CCDC171: variants seen among roughly 807,000 people sequenced by gnomAD.
CCDC171 encodes the protein coiled-coil domain-containing protein 171.
A neutral mutation model predicts 168.2 loss-of-function variants in CCDC171; 177 were observed. The observed-to-expected ratio is 1.05, with a 90% CI of 0.93 to 1.19. CCDC171 has a LOEUF of 1.19. Ranked by LOEUF, CCDC171 falls within the 50% of genes most tolerant of loss-of-function variation. The pLI is 0.00. For synonymous variants in CCDC171, 687 were observed against 540.8 expected (o/e 1.27, Z -3.75); for missense variants, 1,991 against 1,539.0 (o/e 1.29, Z -4.91).
Position 15,557,644 on chromosome 9 carries a change from C to T in CCDC171, c.-112+4342C>T, listed in dbSNP as rs1264610845. Among the ~76,000 whole-genome samples the T allele has an allele frequency of 2.0e-5, 3 of 152,224 alleles. No homozygotes were observed. In the South Asian group the frequency reaches 6.2e-4, roughly 32 times the overall value. ...AGCTTAAGGAGATTTTGTGCTGAGA[C>T]GATGGGGTTTTCTAAATATACAATC... On this transcript the variant is annotated intron_variant, in intron 1 of 25. Coordinates refer to ENST00000380701, the MANE Select transcript of CCDC171 (RefSeq NM_173550.4).
At chr9:15,580,756 AG>A (rs1463582406) in intron 4 of CCDC171, among the ~76,000 whole-genome samples, 2 of 152,334 alleles carry the variant, frequency 1.3e-5, no homozygotes, top group Admixed American at 1.3e-4. Flanking sequence ...TGTGGTAAAA[AG>A]GGAACACTTT....
At chr9:15,853,469 A>G (rs771355962) in intron 23 of CCDC171, among the ~76,000 whole-genome samples, 2 of 151,572 alleles carry the variant, frequency 1.3e-5, no homozygotes, top group African/African-American at 2.4e-5. Flanking sequence ...TGCTGAATTT[A>G]TTAGCTCTAG....
intron 2 of CCDC171, among the ~76,000 whole-genome samples, chr9:15,567,044 T>G (rs2039792934): frequency 6.8e-6 from 1 of 147,990 alleles, no homozygotes; most frequent in Non-Finnish European, 1.5e-5. Flanking sequence ...TTTTTTTTTT[T>G]GAGGCAGAGT....
intron 25 of CCDC171, among the ~76,000 whole-genome samples, chr9:15,926,532 T>A (rs1162466571): frequency 2.0e-5 from 3 of 151,660 alleles, no homozygotes; most frequent in African/African-American, 7.3e-5. Flanking sequence ...TTATTTTGGC[T>A]ACTCTCAAAA....
At chr9:15,760,871 G>A (rs761257166) in intron 18 of CCDC171, among the ~76,000 whole-genome samples, 2 of 152,024 alleles carry the variant, frequency 1.3e-5, no homozygotes, top group Non-Finnish European at 2.9e-5. Context: ...TCATTATAGT[G>A]TTTGCCCACT....
chr9:15,806,758 T>C (rs2059099983), intron 21 of CCDC171, among the ~76,000 whole-genome samples: 1 of 152,156 alleles, frequency 6.6e-6, no homozygotes, highest in Non-Finnish European at 1.5e-5. Flanking sequence ...TGAATTTGAC[T>C]CTTGGCCTCT....
intron 24 of CCDC171, among the ~76,000 whole-genome samples, chr9:15,892,615 C>T (rs925136958): frequency 3.9e-5 from 6 of 151,998 alleles, no homozygotes; most frequent in East Asian, 1.9e-4. Context: ...AGTACAAAAT[C>T]GGTGTGCAAA....
chr9:15,931,124 AT>A (rs1404171809), intron 25 of CCDC171, among the ~76,000 whole-genome samples: 1 of 151,764 alleles, frequency 6.6e-6, no homozygotes, highest in Non-Finnish European at 1.5e-5. Context: ...TCTGGGTCAT[AT>A]TGTAGTTCTA....
intron 24 of CCDC171, among the ~76,000 whole-genome samples, chr9:15,893,801 A>T (rs942333640): frequency 1.3e-5 from 2 of 152,180 alleles, no homozygotes; most frequent in African/African-American, 4.8e-5. Context: ...GAGGTCGTGG[A>T]GAAAAAGGAA....
intron 3 of CCDC171, among the ~76,000 whole-genome samples, chr9:16,009,268 A>C (rs3008726): frequency 0.57 from 86,015 of 151,798 alleles, 24,593 homozygotes; most frequent in East Asian, 0.66. Context: ...CTAGCTAAAA[A>C]GGAAACTTCT....
At chr9:15,929,229 G>T (rs76272945) in intron 25 of CCDC171, among the ~76,000 whole-genome samples, 217 of 151,748 alleles carry the variant, frequency 1.4e-3, no homozygotes, top group African/African-American at 5.0e-3. Flanking sequence ...AGAAAATATG[G>T]ATAGTAACTG....
At chr9:15,792,735 C>G (rs10733303) in intron 21 of CCDC171, among the ~76,000 whole-genome samples, 2 of 151,990 alleles carry the variant, frequency 1.3e-5, no homozygotes, top group African/African-American at 4.8e-5. Flanking sequence ...GCTTCATAAG[C>G]GAAGGAGAAA....
chr9:15,686,745 G>C (rs1003880562), intron 10 of CCDC171, among the ~76,000 whole-genome samples: 2 of 152,102 alleles, frequency 1.3e-5, no homozygotes, highest in Admixed American at 6.5e-5. Flanking sequence ...CCTAACAACA[G>C]ACCTCCAAAC....
chr9:15,635,386 A>T (rs952688484), intron 7 of CCDC171, among the ~76,000 whole-genome samples: 2 of 152,204 alleles, frequency 1.3e-5, no homozygotes, highest in African/African-American at 2.4e-5. Flanking sequence ...CTGTATATAT[A>T]TATAAATCAC....
intron 24 of CCDC171, among the ~76,000 whole-genome samples, chr9:15,914,876 A>G (rs1203055833): frequency 6.6e-6 from 1 of 152,006 alleles, no homozygotes; most frequent in Non-Finnish European, 1.5e-5. Flanking sequence ...AGGGTCCCTC[A>G]TGGCTTCCCT....
chr9:15,800,359 G>A lies in CCDC171; in HGVS notation c.3267+15665G>A, dbSNP rs147352005. 5.7e-3 allele frequency among the ~76,000 whole-genome samples: 866 copies of A among 152,186 alleles called. 12 individuals are homozygous for A. Among genetic ancestry groups the A allele is most frequent in the African/African-American group, 0.02 (834 of 41,530 alleles). On this transcript the variant is annotated intron_variant, in intron 21 of 25. Coordinates refer to ENST00000380701, the MANE Select transcript of CCDC171 (RefSeq NM_173550.4). ...TAATTTTGATATGCATTTCTCTGAT[G>A]ATCAATGATGTTGAGCACCTTTTCA...
At chr9:16,100,164 T>C in the CCDC171 span, among the ~76,000 whole-genome samples, 1 of 152,172 alleles carries the variant, frequency 6.6e-6, no homozygotes, top group Non-Finnish European at 1.5e-5. Context: ...CACTCTAATC[T>C]GTGTGCAGCC....
chr9:15,833,861 A>G (rs954079967), intron 21 of CCDC171, among the ~76,000 whole-genome samples: 1 of 152,206 alleles, frequency 6.6e-6, no homozygotes, highest in African/African-American at 2.4e-5. Flanking sequence ...GGTATAGAGG[A>G]TTTAACTTAG....
downstream of CCDC171, among the ~76,000 whole-genome samples, chr9:15,976,754 G>T (rs1268561135): frequency 6.6e-6 from 1 of 151,842 alleles, no homozygotes. Flanking sequence ...TAATTGAAGT[G>T]AGATAATTTT....
Sources: allele counts gnomAD v4.1 joint callset (sites outside exome capture counted in the v4.1 genomes callset), GRCh38; gene constraint gnomAD v4.1.1; transcripts MANE v1.5; gene names NCBI Gene and HGNC (gene_info 2026-07-23, HGNC 2026-07-21).